TMEM51: variants seen among roughly 807,000 people sequenced by gnomAD.
The protein encoded by TMEM51 is transmembrane protein 51.
Under a neutral mutation model 13.6 loss-of-function variants are expected in TMEM51, and 8 were observed. The observed-to-expected ratio is 0.59, with a 90% CI of 0.35 to 1.07. The LOEUF (loss-of-function observed/expected upper bound fraction) is 1.07, where lower values mean the gene tolerates loss of function less well. Among genes scored for constraint, TMEM51 ranks in the 50% least tolerant of loss-of-function variants. The pLI, the probability that TMEM51 is intolerant of heterozygous loss-of-function variation, is 0.02. For missense variants in TMEM51, 279 were observed against 330.7 expected (o/e 0.84, Z 1.21); for synonymous variants, 147 against 144.4 (o/e 1.02, Z -0.13).
At chr1:15,175,410 A>ATAAAT (rs1467227262) in intron 1 of TMEM51, among the ~76,000 whole-genome samples, 1 of 152,146 alleles carries the variant, frequency 6.6e-6, no homozygotes, top group Admixed American at 6.5e-5. Context: ...CAACAAATAA[A>ATAAAT]TAAATTAAAT....
At position 15,219,872 on chromosome 1, in the gene TMEM51, C is replaced by G. The variant is rs539567816; in HGVS notation, c.*129C>G. On this transcript the variant is annotated 3_prime_UTR_variant, in exon 4 of 4. Coordinates refer to ENST00000376008, the MANE Select transcript of TMEM51 (RefSeq NM_001136218.2). The stretch of plus-strand genomic sequence containing the variant: ...GTGCATGGAGCCATTTGGATGGCGG[C>G]GGGCGGGGGGGGATTCTCTGTATCA... 608 of 1,037,580 alleles carry G rather than the reference C, an allele frequency of 5.9e-4. 1 individual carries two copies. The African/African-American group carries it at 8.5e-3, about 14-fold the overall frequency. The allele number at this position is 1,037,580 out of a possible 1,614,324, so 64.3% of individuals were successfully genotyped here. A position where few individuals can be genotyped will look rare whatever the true frequency, so the allele number is the denominator to read the frequency against.
chr1:15,204,731 G>A (rs1392893557), intron 1 of TMEM51, among the ~76,000 whole-genome samples: 1 of 152,222 alleles, frequency 6.6e-6, no homozygotes, highest in African/African-American at 2.4e-5. Flanking sequence ...CAGAGGTGGG[G>A]ATGACAGTAC....
chr1:15,172,417 G>A, intron 1 of TMEM51, among the ~76,000 whole-genome samples: 1 of 147,436 alleles, frequency 6.8e-6, no homozygotes. Flanking sequence ...AAGGAAGGAA[G>A]GAGGAGGGAG....
chr1:15,181,708 C>G (rs1353728312), intron 1 of TMEM51, among the ~76,000 whole-genome samples: 2 of 152,196 alleles, frequency 1.3e-5, no homozygotes, highest in Non-Finnish European at 2.9e-5. Context: ...ATTTTGTATG[C>G]TTGCTTTAGT....
intron 1 of TMEM51, chr1:15,171,366 G>T: frequency 7.9e-7 from 1 of 1,259,768 alleles, no homozygotes. Context: ...CATTCATAGG[G>T]GGGGCGGCAG....
intron 3 of TMEM51, 59 bp downstream of exon 3, chr1:15,215,490 A>C: frequency 4.3e-6 from 6 of 1,405,432 alleles, no homozygotes; most frequent in Non-Finnish European, 5.7e-6. Context: ...ACGCATGCAC[A>C]CACATGTTCA....
At chr1:15,162,351 T>C (rs1412074320) in intron 1 of TMEM51, among the ~76,000 whole-genome samples, 1 of 151,930 alleles carries the variant, frequency 6.6e-6, no homozygotes, top group African/African-American at 2.4e-5. Context: ...TTAGTAGAGA[T>C]GGGGTTTCAC....
intron 1 of TMEM51, chr1:15,171,376 G>C (rs1391090188): frequency 8.0e-7 from 1 of 1,246,854 alleles, no homozygotes; most frequent in Non-Finnish European, 1.0e-6. Context: ...GGGGGCGGCA[G>C]AAAGGAAGGT....
chr1:15,163,575 A>G (rs976992919), intron 1 of TMEM51, among the ~76,000 whole-genome samples: 1 of 147,246 alleles, frequency 6.8e-6, no homozygotes, highest in African/African-American at 2.4e-5. Flanking sequence ...TTTCAATTCT[A>G]GAAGTTTATC....
intron 1 of TMEM51, among the ~76,000 whole-genome samples, chr1:15,157,313 T>G (rs1406289657): frequency 6.6e-6 from 1 of 152,210 alleles, no homozygotes; most frequent in East Asian, 1.9e-4. Context: ...TCTCTTGCCC[T>G]GGATTTATCA....
At chr1:15,171,623 T>C (rs986968458) in intron 1 of TMEM51, among the ~76,000 whole-genome samples, 1 of 152,220 alleles carries the variant, frequency 6.6e-6, no homozygotes, top group African/African-American at 2.4e-5. Flanking sequence ...CATCCAATCA[T>C]GATGACCTCT....
intron 1 of TMEM51, among the ~76,000 whole-genome samples, chr1:15,209,360 G>C (rs919879100): frequency 6.6e-6 from 1 of 152,030 alleles, no homozygotes; most frequent in African/African-American, 2.4e-5. Flanking sequence ...GCCTCCCAAA[G>C]TGCTGGCATT....
chr1:15,186,938 T>TC (rs1643796474), intron 1 of TMEM51, among the ~76,000 whole-genome samples: 2 of 152,112 alleles, frequency 1.3e-5, no homozygotes, highest in Non-Finnish European at 2.9e-5. Flanking sequence ...GTGTGCCTCC[T>TC]CCCCTTTGTG....
At chr1:15,183,843 A>G (rs562286110) in intron 1 of TMEM51, among the ~76,000 whole-genome samples, 1 of 152,352 alleles carries the variant, frequency 6.6e-6, no homozygotes, top group East Asian at 1.9e-4. Context: ...TCCGGTTTGG[A>G]AAGCCTCACT....
At chr1:15,159,535 C>T (rs939567558) in intron 1 of TMEM51, among the ~76,000 whole-genome samples, 11 of 152,258 alleles carry the variant, frequency 7.2e-5, no homozygotes, top group African/African-American at 2.6e-4. Flanking sequence ...GAGTTAATAA[C>T]CCTGTTCTGG....
intron 1 of TMEM51, among the ~76,000 whole-genome samples, chr1:15,180,734 G>A (rs971197919): frequency 2.0e-5 from 3 of 152,168 alleles, no homozygotes; most frequent in Non-Finnish European, 4.4e-5. Context: ...CCCTCACAGA[G>A]CCTTTAGCAC....
chr1:15,176,703 T>C (rs969263089), intron 1 of TMEM51, among the ~76,000 whole-genome samples: 1 of 152,202 alleles, frequency 6.6e-6, no homozygotes, highest in Non-Finnish European at 1.5e-5. Flanking sequence ...AAGTGCATGG[T>C]CAAGGAATTA....
At chr1:15,194,763 G>T (rs551972052) in intron 1 of TMEM51, among the ~76,000 whole-genome samples, 1 of 151,748 alleles carries the variant, frequency 6.6e-6, no homozygotes, top group East Asian at 1.9e-4. Flanking sequence ...TCTCATTTCC[G>T]TGGATGATAT....
At chr1:15,192,958 A>T (rs1049295311) in intron 1 of TMEM51, 3 of 152,606 alleles carry the variant, frequency 2.0e-5, no homozygotes, top group Admixed American at 2.0e-4. Context: ...TTCAATGTGC[A>T]TGTGCTGGAT....
Sources: allele counts gnomAD v4.1 joint callset (sites outside exome capture counted in the v4.1 genomes callset), GRCh38; gene constraint gnomAD v4.1.1; transcripts MANE v1.5; gene names NCBI Gene and HGNC (gene_info 2026-07-23, HGNC 2026-07-21).